Variants in WDTC1 observed in about 807,000 individuals in gnomAD.
WDTC1 encodes the protein WD and tetratricopeptide repeats protein 1.
A neutral mutation model predicts 76.0 loss-of-function variants in WDTC1; 12 were observed. The observed-to-expected ratio is 0.16, with a 90% confidence interval of 0.10 to 0.26. The LOEUF (loss-of-function observed/expected upper bound fraction) is 0.26. Ranked by LOEUF, WDTC1 falls within the 10% of genes least tolerant of loss-of-function variation. The probability of loss-of-function intolerance (pLI) is 1.00; values close to 1 mark genes in which losing one functional copy is unlikely to be tolerated. For synonymous variants in WDTC1, 326 were observed against 350.8 expected, an observed-to-expected ratio of 0.93 and a Z score of 0.79; for missense variants, 511 against 908.8, an observed-to-expected ratio of 0.56 and a Z score of 5.63.
chr1:27,288,748 T>G (rs2013418827), intron 6 of WDTC1, among the ~76,000 whole-genome samples: 1 of 150,908 alleles, frequency 6.6e-6, no homozygotes, highest in Non-Finnish European at 1.5e-5. Flanking sequence ...CCATGTCTAC[T>G]TCTTTCTACA....
At chr1:27,289,789 C>A (rs572115275) in intron 6 of WDTC1, among the ~76,000 whole-genome samples, 2 of 151,884 alleles carry the variant, frequency 1.3e-5, no homozygotes, top group Non-Finnish European at 2.9e-5. Flanking sequence ...TGGAGACCGG[C>A]CCGGCCAACA....
chr1:27,278,421 T>C (rs1425128175), intron 3 of WDTC1, among the ~76,000 whole-genome samples: 1 of 152,192 alleles, frequency 6.6e-6, no homozygotes, highest in Non-Finnish European at 1.5e-5. Context: ...AATTCAGTCA[T>C]ATTTTCAAGC....
At chr1:27,294,729 A>G in intron 9 of WDTC1, 100 bp downstream of exon 9, 1 of 960,394 alleles carries the variant, frequency 1.0e-6, no homozygotes, top group Non-Finnish European at 1.6e-6. Flanking sequence ...AAGACACAAC[A>G]GCCTTATGGT....
intron 1 of WDTC1, among the ~76,000 whole-genome samples, chr1:27,244,148 A>G (rs1266026156): frequency 6.6e-6 from 1 of 151,922 alleles, no homozygotes; most frequent in African/African-American, 2.4e-5. Flanking sequence ...CCTGTCTCAA[A>G]ACAAATAAAA....
At chr1:27,247,544 A>G (rs1379166420) in intron 1 of WDTC1, among the ~76,000 whole-genome samples, 1 of 151,934 alleles carries the variant, frequency 6.6e-6, no homozygotes, top group Non-Finnish European at 1.5e-5. Context: ...AAGTCTCATC[A>G]TTTAGCTTCC....
At chr1:27,238,003 A>G (rs6598877) in intron 1 of WDTC1, among the ~76,000 whole-genome samples, 130,387 of 152,190 alleles carry the variant, frequency 0.86, 57,564 homozygotes, top group East Asian at 0.97. Flanking sequence ...GTATATCTTG[A>G]GCTCAGTGCT....
rs113618033 is a variant in WDTC1, at chr1:27,275,629, A to T, written c.133-6610A>T. Among the ~76,000 whole-genome samples the T allele has an allele frequency of 7.1e-3, 1,086 of 151,976 alleles. 6 individuals carry two copies. The highest frequency in any genetic ancestry group is 0.015 in the South Asian group (73 of 4,810). On this transcript the variant is annotated intron_variant, in intron 3 of 15. Transcript: ENST00000319394. ...TGAGACTCTGTCTCAAAAAAAAAAA[A>T]AAAATAAAGAAAAAGATGGAGCGGG...
At chr1:27,289,877 C>G (rs564202688) in intron 6 of WDTC1, among the ~76,000 whole-genome samples, 1 of 152,134 alleles carries the variant, frequency 6.6e-6, no homozygotes, top group African/African-American at 2.4e-5. Context: ...CGCAGGCACT[C>G]GGCAGGCTGA....
intron 13 of WDTC1, among the ~76,000 whole-genome samples, chr1:27,302,484 C>T (rs950715419): frequency 1.3e-5 from 2 of 152,046 alleles, no homozygotes; most frequent in African/African-American, 4.8e-5. Flanking sequence ...CTTATAATCC[C>T]AGCACTTTGG....
At chr1:27,287,078 G>A (rs867591337) in intron 5 of WDTC1, among the ~76,000 whole-genome samples, 6 of 151,166 alleles carry the variant, frequency 4.0e-5, no homozygotes, top group Admixed American at 1.3e-4. Flanking sequence ...CAGGAGAATC[G>A]CTTGAACCCG....
intron 10 of WDTC1, 21 bp from the exon 11 acceptor site, chr1:27,297,027 T>C (rs2013710871): frequency 6.2e-7 from 1 of 1,612,480 alleles, no homozygotes; most frequent in African/African-American, 1.3e-5. Flanking sequence ...TTGCTGTCAC[T>C]TTCTCACTAT....
intron 7 of WDTC1, among the ~76,000 whole-genome samples, chr1:27,293,032 G>A (rs1470964587): frequency 2.0e-5 from 3 of 149,032 alleles, no homozygotes; most frequent in African/African-American, 7.4e-5. Context: ...GATTACAGAC[G>A]TCAGCCACCA....
At position 27,282,261 on chromosome 1, in the gene WDTC1, G is replaced by A; in HGVS notation, c.155G>A (p.Cys52Tyr). 6.2e-7 allele frequency: 1 copy of A among 1,613,886 alleles called. No individual in the cohort carries two copies. Among genetic ancestry groups the A allele is most frequent in the Non-Finnish European group, 8.5e-7 (1 of 1,179,836 alleles). Residue 52 changes from cysteine (C) to tyrosine (Y), a missense_variant, in exon 4 of 16, where the codon TGT becomes TAT. By Grantham distance (194) the Cys-to-Tyr change is radical. Coordinates refer to ENST00000319394, the MANE Select transcript of WDTC1 (RefSeq NM_001276252.2). Reference protein sequence around the residue: ...ELQGHSGCVNCLEWNEKGDLL... With the variant: ...ELQGHSGCVNYLEWNEKGDLL... ...CAGGGTCACTCAGGATGTGTCAACT[G>A]TCTGGAGTGGAATGAGAAAGGAGAG...
chr1:27,276,422 G>A (rs971747717), intron 3 of WDTC1, among the ~76,000 whole-genome samples: 11 of 152,068 alleles, frequency 7.2e-5, no homozygotes, highest in Non-Finnish European at 1.3e-4. Flanking sequence ...TAGGCCAGGC[G>A]CGGTGACTTA....
intron 7 of WDTC1, among the ~76,000 whole-genome samples, chr1:27,293,451 A>AG (rs1193546528): frequency 2.6e-5 from 4 of 150,992 alleles, no homozygotes; most frequent in Non-Finnish European, 5.9e-5. Flanking sequence ...AAAAAAAAAA[A>AG]AAGTATAAAT....
intron 12 of WDTC1, among the ~76,000 whole-genome samples, chr1:27,299,948 C>T (rs1482369709): frequency 6.6e-6 from 1 of 152,298 alleles, no homozygotes; most frequent in South Asian, 2.1e-4. Context: ...CCCTCTGGCT[C>T]CTGGCTGGTC....
chr1:27,252,913 T>C (rs1463882078), intron 1 of WDTC1, among the ~76,000 whole-genome samples: 1 of 152,202 alleles, frequency 6.6e-6, no homozygotes, highest in African/African-American at 2.4e-5. Context: ...ATGTGTTTAG[T>C]TCATTTCCCT....
chr1:27,273,881 A>AAAAG (rs2012947252), intron 3 of WDTC1, among the ~76,000 whole-genome samples: 1 of 151,970 alleles, frequency 6.6e-6, no homozygotes, highest in Non-Finnish European at 1.5e-5. Context: ...GGGAGAGGGA[A>AAAAG]AAAGATTATT....
chr1:27,287,580 GGA>G (rs1363066689), intron 5 of WDTC1, 92 bp from the exon 6 acceptor site: 2 of 1,375,126 alleles, frequency 1.5e-6, no homozygotes, highest in Non-Finnish European at 2.0e-6. Flanking sequence ...TATCTGACAT[GGA>G]GAGAGAAAAG....
Sources: allele counts gnomAD v4.1 joint callset (sites outside exome capture counted in the v4.1 genomes callset), GRCh38; gene constraint gnomAD v4.1.1; transcripts MANE v1.5; gene names NCBI Gene and HGNC (gene_info 2026-07-23, HGNC 2026-07-21).